Variants in ANAPC10 observed in about 807,000 individuals in gnomAD.
ANAPC10 encodes the protein anaphase-promoting complex subunit 10.
Under a neutral mutation model 22.0 loss-of-function variants are expected in ANAPC10, and 12 were observed. The observed-to-expected ratio is 0.55, with a 90% CI of 0.35 to 0.88. The LOEUF (loss-of-function observed/expected upper bound fraction) is 0.88. Ranked by LOEUF, ANAPC10 falls within the 40% of genes least tolerant of loss-of-function variation. The pLI, the probability that ANAPC10 is intolerant of heterozygous loss-of-function variation, is 0.01. For synonymous variants in ANAPC10, 65 were observed against 69.5 expected (o/e 0.94, Z 0.32); for missense variants, 188 against 220.9 (o/e 0.85, Z 0.94).
intron 4 of ANAPC10, among the ~76,000 whole-genome samples, chr4:145,050,296 G>A (rs1161442550): frequency 6.6e-6 from 1 of 152,176 alleles, no homozygotes; most frequent in Non-Finnish European, 1.5e-5. Context: ...CTGAGCAGTA[G>A]GTCTTTACAG....
At chr4:145,069,508 A>C (rs571863527) in intron 3 of ANAPC10, among the ~76,000 whole-genome samples, 1 of 152,342 alleles carries the variant, frequency 6.6e-6, no homozygotes, top group East Asian at 1.9e-4. Context: ...CAGTGGGCAC[A>C]GAGGACTGGG....
intron 4 of ANAPC10, among the ~76,000 whole-genome samples, chr4:145,014,444 G>T (rs1426932025): frequency 6.6e-6 from 1 of 151,940 alleles, no homozygotes; most frequent in Non-Finnish European, 1.5e-5. Context: ...GCCCACCCAA[G>T]GAAAGTCTGA....
At chr4:144,999,962 CTATTTAA>C (rs1560801992) in intron 4 of ANAPC10, among the ~76,000 whole-genome samples, 1 of 152,182 alleles carries the variant, frequency 6.6e-6, no homozygotes, top group Non-Finnish European at 1.5e-5. Flanking sequence ...AAAGGATTCT[CTATTTAA>C]TAAATGGTGC....
chr4:145,047,543 G>A (rs1740495440), intron 4 of ANAPC10, among the ~76,000 whole-genome samples: 1 of 152,082 alleles, frequency 6.6e-6, no homozygotes, highest in Non-Finnish European at 1.5e-5. Flanking sequence ...ATCTGCCTTA[G>A]ACAATTCCCT....
intron 2 of ANAPC10, among the ~76,000 whole-genome samples, chr4:145,091,682 T>C (rs958781516): frequency 1.3e-5 from 2 of 152,170 alleles, no homozygotes; most frequent in Non-Finnish European, 2.9e-5. Context: ...CTTTGTAAAA[T>C]AATAATTTAT....
At chr4:145,003,540 G>A (rs905111308) in intron 4 of ANAPC10, among the ~76,000 whole-genome samples, 1 of 152,180 alleles carries the variant, frequency 6.6e-6, no homozygotes, top group Non-Finnish European at 1.5e-5. Flanking sequence ...AAGGGATCCA[G>A]TTTCAATCTT....
intron 3 of ANAPC10, among the ~76,000 whole-genome samples, chr4:145,068,026 A>T (rs1743958404): frequency 6.6e-6 from 1 of 152,228 alleles, no homozygotes; most frequent in Non-Finnish European, 1.5e-5. Flanking sequence ...TTGGACCATA[A>T]GACAACCTTG....
rs1553981523 is a variant in ANAPC10, at chr4:145,064,674, C to G, written c.225G>C (p.Lys75Asn). 1.3e-6 allele frequency: 2 copies of G among 1,543,202 alleles called. No individual in the cohort carries two copies. The highest frequency in any genetic ancestry group is 2.3e-5 in the East Asian group (1 of 42,640). Reference sequence around the variant, plus strand: ...TGTAGTCTGCATAAATACATAATGTCTTCACTGTTGTTTTTCTTCTAAAAG... The same window carrying G: ...TGTAGTCTGCATAAATACATAATGTGTTCACTGTTGTTTTTCTTCTAAAAG... ...NIQFRRKTTV[K>N]TLCIYADYKS... is the part of the protein sequence containing the mutation. The change falls in exon 4 of 5, where the codon AAG (lysine) becomes AAC (asparagine). Residue 75 changes from lysine to asparagine, a missense_variant. Coordinates refer to ENST00000507656, the MANE Select transcript of ANAPC10 (RefSeq NM_001256706.2).
chr4:145,052,873 G>A (rs1436908433), intron 4 of ANAPC10, among the ~76,000 whole-genome samples: 2 of 146,026 alleles, frequency 1.4e-5, no homozygotes, highest in African/African-American at 5.1e-5. Flanking sequence ...GGGCAACAGA[G>A]CGAGACTCTG....
In ANAPC10 at chr4:145,011,058, G is replaced by A. The variant is rs188464898; in HGVS notation, c.328-15455C>T. ...TTAAATTCAAGAGGATTGCCTGAAC[G>A]CAGTGGCTCACGTCTGTAATCCCAG... On this transcript the variant is annotated intron_variant, in intron 4 of 4. Coordinates refer to ENST00000507656, the MANE Select transcript of ANAPC10 (RefSeq NM_001256706.2). 2.6e-3 allele frequency among the ~76,000 whole-genome samples: 402 copies of A among 152,116 alleles called. 3 individuals carry two copies. Among genetic ancestry groups the A allele is most frequent in the Middle Eastern group, 0.01 (3 of 294 alleles).
At chr4:144,996,721 T>C (rs1438184677) in intron 4 of ANAPC10, among the ~76,000 whole-genome samples, 1 of 152,180 alleles carries the variant, frequency 6.6e-6, no homozygotes, top group Non-Finnish European at 1.5e-5. Context: ...GGAACAAAGC[T>C]GGACGGAGAA....
chr4:145,096,345 C>G (rs1475364486), intron 1 of ANAPC10, among the ~76,000 whole-genome samples: 3 of 152,032 alleles, frequency 2.0e-5, no homozygotes, highest in Admixed American at 2.0e-4. Context: ...ATCATGTGAG[C>G]CCAGGAGTTC....
intron 3 of ANAPC10, among the ~76,000 whole-genome samples, chr4:145,065,593 T>A (rs79953717): frequency 6.6e-6 from 1 of 151,968 alleles, no homozygotes; most frequent in Non-Finnish European, 1.5e-5. Context: ...CAGAAAAATC[T>A]TGTCCTGTGA....
At chr4:145,071,464 C>T (rs141121753) in intron 3 of ANAPC10, among the ~76,000 whole-genome samples, 2 of 151,982 alleles carry the variant, frequency 1.3e-5, no homozygotes, top group East Asian at 3.9e-4. Context: ...TATTTCACTA[C>T]AAATAAAAAA....
At chr4:145,058,116 G>A (rs1317110549) in intron 4 of ANAPC10, among the ~76,000 whole-genome samples, 2 of 152,132 alleles carry the variant, frequency 1.3e-5, no homozygotes, top group East Asian at 3.8e-4. Flanking sequence ...CTACAAGAAT[G>A]TAAACTTATG....
chr4:145,026,949 G>A (rs376073789), intron 4 of ANAPC10, among the ~76,000 whole-genome samples: 10 of 14,990 alleles, frequency 6.7e-4, no homozygotes, highest in South Asian at 3.6e-3. Context: ...ATATATATGT[G>A]TGTGTGTGTA....
At chr4:145,067,592 A>G (rs1347489742) in intron 3 of ANAPC10, among the ~76,000 whole-genome samples, 1 of 152,232 alleles carries the variant, frequency 6.6e-6, no homozygotes, top group Non-Finnish European at 1.5e-5. Flanking sequence ...GTTCAATATT[A>G]GGAAACACAC....
chr4:145,044,172 T>C (rs1739935926), intron 4 of ANAPC10, among the ~76,000 whole-genome samples: 1 of 152,076 alleles, frequency 6.6e-6, no homozygotes, highest in Non-Finnish European at 1.5e-5. Context: ...ATATTGATGA[T>C]ACATGTAAAT....
At chr4:145,045,162 T>G (rs1179980226) in intron 4 of ANAPC10, among the ~76,000 whole-genome samples, 1 of 152,068 alleles carries the variant, frequency 6.6e-6, no homozygotes, top group Non-Finnish European at 1.5e-5. Context: ...ATATTATTTA[T>G]TTTTTTAAAA....
Sources: allele counts gnomAD v4.1 joint callset (sites outside exome capture counted in the v4.1 genomes callset), GRCh38; gene constraint gnomAD v4.1.1; transcripts MANE v1.5; gene names NCBI Gene and HGNC (gene_info 2026-07-23, HGNC 2026-07-21).